Variants in GATA5 observed in about 807,000 individuals in gnomAD.
GATA5 encodes GATA binding protein 5.
In GATA5, 27 loss-of-function variants were observed where a neutral mutation model predicts 35.0. The ratio of observed to expected loss-of-function variants is 0.77; its 90% confidence interval spans 0.57 to 1.06. GATA5 has a LOEUF of 1.06. Among genes scored for constraint, GATA5 ranks in the 50% least tolerant of loss-of-function variants. The probability of loss-of-function intolerance (pLI) is 0.00; values close to 1 mark genes in which losing one functional copy is unlikely to be tolerated. For missense variants in GATA5, 612 were observed against 580.0 expected (o/e 1.06, Z -0.57); for synonymous variants, 306 against 267.8 (o/e 1.14, Z -1.39).
In GATA5 at chr20:62,470,732, G is replaced by A. The variant is rs1256902189; in HGVS notation, c.699+2671C>T. On this transcript the variant is annotated intron_variant, in intron 3 of 6. Transcript: ENST00000252997. This position sits in a 1 kb window ranked among gnomAD's most constrained non-coding sequence, Gnocchi z 4.6. Reference sequence around the variant, plus strand: ...GGCTGCCGGGCCCCAGGCTTCAGCCGAGGCTTCAGTGTTCTTGGGGGTGGG... The same window carrying A: ...GGCTGCCGGGCCCCAGGCTTCAGCCAAGGCTTCAGTGTTCTTGGGGGTGGG... 6.6e-6 allele frequency among the ~76,000 whole-genome samples: 1 copy of A among 152,174 alleles called. No individual in the cohort carries two copies. Among genetic ancestry groups the A allele is most frequent in the Non-Finnish European group, 1.5e-5 (1 of 68,022 alleles).
In GATA5 at chr20:62,475,024, GCCGT is replaced by G; in HGVS notation, c.494_497del (p.His165ProfsTer54). 5.1e-6 allele frequency: 7 copies of G among 1,375,324 alleles called. No individual in the cohort carries two copies. The highest frequency in any genetic ancestry group is 5.7e-6 in the Non-Finnish European group (6 of 1,059,658). 85.2% of individuals were successfully genotyped at this position (1,375,324 alleles called of 1,614,324 possible). ...CGAAGGTGGGCCTGCGGCCTGGGAGGCCGTGCAGGACGCTGCCATCGAAGGGCCC... is the reference window on the plus strand; with the variant it reads ...CGAAGGTGGGCCTGCGGCCTGGGAGGGCAGGACGCTGCCATCGAAGGGCCC... On this transcript the variant is annotated frameshift_variant, in exon 2 of 7. Coordinates refer to ENST00000252997, the MANE Select transcript of GATA5 (RefSeq NM_080473.5). LOFTEE classifies it high-confidence loss of function.
Position 62,465,435 on chromosome 20 carries a change from A to T in GATA5, c.943T>A (p.Ser315Thr). ...GSTRNASASP[S>T]AVASTDSSAA... is the part of the protein sequence containing the mutation. ...GAGCTGTCAGTGCTGGCGACAGCAGATGGGGAGGCCGAGGCATTCCTTGTG... is the reference window on the plus strand; with the variant it reads ...GAGCTGTCAGTGCTGGCGACAGCAGTTGGGGAGGCCGAGGCATTCCTTGTG... The change falls in exon 6 of 7, where the codon TCT becomes ACT. Residue 315 changes from serine (S) to threonine (T), a missense_variant. Coordinates refer to ENST00000252997, the MANE Select transcript of GATA5 (RefSeq NM_080473.5). The T allele has an allele frequency of 6.2e-7, 1 of 1,609,036 alleles. No individual in the cohort carries two copies. Among genetic ancestry groups the T allele is most frequent in the Non-Finnish European group, 8.5e-7 (1 of 1,179,646 alleles).
At chr20:62,472,892 C>T (rs1989756656) in intron 3 of GATA5, among the ~76,000 whole-genome samples, 1 of 152,178 alleles carries the variant, frequency 6.6e-6, no homozygotes, top group East Asian at 1.9e-4. Flanking sequence ...GAAAGTGCTC[C>T]CCGAGGGGAC....
chr20:62,475,500 C>A lies in GATA5; in HGVS notation c.22G>T (p.Ala8Ser). Residue 8 changes from alanine (A) to serine (S), a missense_variant, in exon 2 of 7, where the codon GCC becomes TCC. Physicochemically the swap from Ala to Ser is moderately conservative, Grantham distance 99. Transcript: ENST00000252997. The part of the protein sequence containing the change: MYQSLAL[A>S]ASPRQAAYAD... ...TAGGCGGCCTGGCGGGGGCTCGCGG[C>A]CAGCGCCAGGCTCTGGTACATCCTC... 7.6e-7 allele frequency: 1 copy of A among 1,320,490 alleles called. No homozygotes were observed. Among genetic ancestry groups the A allele is most frequent in the Non-Finnish European group, 9.6e-7 (1 of 1,037,558 alleles). The allele number at this position is 1,320,490 out of a possible 1,614,324, so 81.8% of individuals were successfully genotyped here.
chr20:62,469,255 A>G (rs1989666075), intron 3 of GATA5, among the ~76,000 whole-genome samples: 2 of 152,270 alleles, frequency 1.3e-5, no homozygotes, highest in African/African-American at 4.8e-5. Flanking sequence ...TGTCTCCTGC[A>G]GTATTTGGGA....
chr20:62,473,427 C>T lies in GATA5; in HGVS notation c.675G>A (p.Pro225=), dbSNP rs144082730. The T allele has an allele frequency of 5.0e-5, 80 of 1,609,222 alleles. No individual in the cohort carries two copies. The highest frequency in any genetic ancestry group is 2.8e-4 in the South Asian group (25 of 90,392). ...CCAGGCGCTTCTGAGGCCGAACGAG[C>T]GGCCGGTTGACGCCATTCATCTTGT... The part of the protein sequence containing the change: ...LYHKMNGVNR[P]LVRPQKRLSS... The change falls in exon 3 of 7, where the codon CCG becomes CCA. Residue 225 remains proline, a synonymous_variant. Transcript: ENST00000252997.
chr20:62,465,560 A>G, intron 5 of GATA5, 96 bp from the exon 6 acceptor site: 1 of 1,472,476 alleles, frequency 6.8e-7, no homozygotes, highest in African/African-American at 1.4e-5. Context: ...CGGCCCAGAG[A>G]GGTTTGGAGA....
rs782105775 is a variant in GATA5 at position 62,473,525 on chromosome 20, C to G, written c.577G>C (p.Gly193Arg). Residue 193 changes from glycine (G) to arginine (R), a missense_variant, in exon 3 of 7, where the codon GGG (glycine) becomes CGG (arginine). By Grantham distance (125) the Gly-to-Arg change is moderately radical. Transcript: ENST00000252997. The stretch of plus-strand genomic sequence containing the variant: ...CGCCACAGCGGTGTGGACAGGGCCC[C>G]GCAGTTGACACACTCACGACCCTCA... The part of the protein sequence containing the change: ...PGEGRECVNC[G>R]ALSTPLWRRD... 7 of 1,607,594 alleles carry G rather than the reference C, an allele frequency of 4.4e-6. No individual in the cohort carries two copies. The highest frequency in any genetic ancestry group is 5.9e-6 in the Non-Finnish European group (7 of 1,177,620).
rs923732172 is a variant in GATA5 at position 62,466,709 on chromosome 20, C to T, written c.700-158G>A. On this transcript the variant is annotated intron_variant, in intron 3 of 6. Coordinates refer to ENST00000252997, the MANE Select transcript of GATA5 (RefSeq NM_080473.5). ...CTCGCCTGGCAGCTCTGCCTGGACA[C>T]GCTCTCGAGCCCTGGGAAAGGTAAC... Among the ~76,000 whole-genome samples the T allele has an allele frequency of 4.6e-5, 7 of 152,232 alleles. No individual in the cohort carries two copies. In the South Asian group the frequency reaches 6.2e-4, roughly 13 times the overall value.
At chr20:62,467,785 C>T (rs1189552535) in intron 3 of GATA5, among the ~76,000 whole-genome samples, 7 of 152,278 alleles carry the variant, frequency 4.6e-5, no homozygotes, top group Non-Finnish European at 1.0e-4. Context: ...CAGAGCCAGA[C>T]AGCAGGCACA....
At position 62,464,938 on chromosome 20, in the gene GATA5, G is replaced by C; in HGVS notation, c.1092C>G (p.Phe364Leu). Residue 364 changes from phenylalanine (F) to leucine (L), a missense_variant, in exon 7 of 7, where the codon TTC (phenylalanine) becomes TTG (leucine). Transcript: ENST00000252997. ...AGGGGAAGGCAAAGTCCTCAGGCTC[G>C]AACTTGAACTCCAAGTGGCCGGGGG... ...SLAPGHLEFK[F>L]EPEDFAFPST... 6.2e-7 allele frequency: 1 copy of C among 1,609,076 alleles called. No homozygotes were observed. The highest frequency in any genetic ancestry group is 8.5e-7 in the Non-Finnish European group (1 of 1,178,278).
chr20:62,465,736 T>C (rs937599596), intron 5 of GATA5, 98 bp downstream of exon 5: 1 of 1,030,318 alleles, frequency 9.7e-7, no homozygotes, highest in African/African-American at 1.6e-5. Context: ...TCCAGAGGAC[T>C]GTGCTTGAAC....
At chr20:62,471,432 A>ATTTTTTTTTTTTTTTTT (rs574764628) in intron 3 of GATA5, among the ~76,000 whole-genome samples, 2,410 of 81,354 alleles carry the variant, frequency 0.03, 469 homozygotes, top group Non-Finnish European at 0.036. Context: ...TTCAATTACA[A>ATTTTTTTTTTTTTTTTT]TTTTTTTTTT....
intron 3 of GATA5, among the ~76,000 whole-genome samples, chr20:62,469,641 C>G (rs782235399): frequency 3.9e-5 from 6 of 152,238 alleles, no homozygotes; most frequent in Non-Finnish European, 8.8e-5. Flanking sequence ...CGCACCCCTG[C>G]GAGTGCCAGG....
intron 3 of GATA5, among the ~76,000 whole-genome samples, chr20:62,471,179 C>A (rs1199416210): frequency 6.6e-6 from 1 of 152,012 alleles, no homozygotes; most frequent in Non-Finnish European, 1.5e-5. Flanking sequence ...CAGGGCAGGG[C>A]AGCAGGAGGG....
rs908499171 is a variant in GATA5 at position 62,466,329 on chromosome 20, C to T, written c.825+97G>A. 15 of 1,361,114 alleles carry T rather than the reference C, an allele frequency of 1.1e-5. No homozygotes were observed. The South Asian group carries it at 1.4e-4, about 13-fold the overall frequency. The allele number at this position is 1,361,114 out of a possible 1,614,324, so 84.3% of individuals were successfully genotyped here. A position where few individuals can be genotyped will look rare whatever the true frequency, so the allele number is the denominator to read the frequency against. On this transcript the variant is annotated intron_variant, in intron 4 of 6. Coordinates refer to ENST00000252997, the MANE Select transcript of GATA5 (RefSeq NM_080473.5). ...AGCCCAGGGGACAATAGCCATCCTG[C>T]CCGCTCCTCCCCAGCCTCTTGGTCT...
Position 62,463,609 on chromosome 20 carries a change from T to A in GATA5, c.*1227A>T, listed in dbSNP as rs984327370. On this transcript the variant is annotated 3_prime_UTR_variant, in exon 7 of 7. Coordinates refer to ENST00000252997, the MANE Select transcript of GATA5 (RefSeq NM_080473.5). ...AACCTCTGGAGGGACAGTTTCAGAA[T>A]GACCGGACCCGCTCCTGAAGCTGAT... 3.5e-5 allele frequency: 5 copies of A among 142,674 alleles called. No homozygotes were observed. Among genetic ancestry groups the A allele is most frequent in the African/African-American group, 9.8e-5 (4 of 40,884 alleles). The allele number at this position is 142,674 out of a possible 1,614,324, so 8.8% of individuals were successfully genotyped here.
At chr20:62,473,368 G>A (rs1989767113) in intron 3 of GATA5, 35 bp downstream of exon 3, 1 of 1,578,382 alleles carries the variant, frequency 6.3e-7, no homozygotes, top group Middle Eastern at 2.1e-4. Flanking sequence ...GGGGAGCACT[G>A]CGCCCAGGCG....
chr20:62,465,590 AGGCGTGGGTGGTGTGGCCG>A (rs1989564585), intron 5 of GATA5, 126 bp from the exon 6 acceptor site: 1 of 1,300,736 alleles, frequency 7.7e-7, no homozygotes, highest in Non-Finnish European at 1.0e-6. Flanking sequence ...GTCACACCGC[AGGCGTGGGTGGTGTGGCCG>A]GGCGTGGCTT....
Sources: allele counts gnomAD v4.1 joint callset (sites outside exome capture counted in the v4.1 genomes callset), GRCh38; gene constraint gnomAD v4.1.1; non-coding constraint Gnocchi (gnomAD v3.1); transcripts MANE v1.5; gene names NCBI Gene and HGNC (gene_info 2026-07-23, HGNC 2026-07-21).